MESD: variants seen among roughly 807,000 people sequenced by gnomAD.
The protein encoded by MESD is LRP chaperone MESD.
A neutral mutation model predicts 12.9 loss-of-function variants in MESD; 7 were observed. The ratio of observed to expected loss-of-function variants is 0.54; its 90% CI spans 0.31 to 1.02. MESD has a LOEUF of 1.02. Among genes scored for constraint, MESD ranks in the 50% least tolerant of loss-of-function variants. MESD has a pLI of 0.05. For missense variants in MESD, 342 were observed against 296.7 expected, an observed-to-expected ratio of 1.15 and a Z score of -1.12; for synonymous variants, 126 against 115.6, an observed-to-expected ratio of 1.09 and a Z score of -0.58.
At chr15:80,948,934 C>T in intron 4 of MESD, 2 of 1,614,174 alleles carry the variant, frequency 1.2e-6, no homozygotes, top group Non-Finnish European at 1.7e-6. Flanking sequence ...AGGACAGCTG[C>T]CGCCCGGTGC....
intron 3 of MESD, chr15:80,952,373 C>T (rs896694745): frequency 2.3e-5 from 7 of 310,106 alleles, no homozygotes; most frequent in Non-Finnish European, 4.5e-5. Flanking sequence ...TCCAGGAGGG[C>T]AGCCACTAGC....
chr15:80,989,776 AC>A lies in MESD; in HGVS notation c.15del (p.Arg5SerfsTer92). On this transcript the variant is annotated frameshift_variant, in exon 1 of 3. Transcript: ENST00000261758. LOFTEE classifies it high-confidence loss of function. MAAS[R>X]WARKAVVLLC... is the part of the protein sequence containing the mutation. Reference sequence around the variant, plus strand: ...AGCAGGACCACGGCCTTGCGCGCCCACCTGGAAGCCGCCATTTTCGCTGCGC... The same window carrying A: ...AGCAGGACCACGGCCTTGCGCGCCCACTGGAAGCCGCCATTTTCGCTGCGC... 1 of 1,586,186 alleles carries A rather than the reference AC, an allele frequency of 6.3e-7. No homozygotes were observed. The highest frequency in any genetic ancestry group is 8.5e-7 in the Non-Finnish European group (1 of 1,173,412).
At chr15:80,984,706 T>C (rs1902682443) in intron 1 of MESD, among the ~76,000 whole-genome samples, 1 of 152,088 alleles carries the variant, frequency 6.6e-6, no homozygotes, top group Non-Finnish European at 1.5e-5. Context: ...ATACTAAAAC[T>C]AAAATGTACA....
chr15:80,968,857 T>C (rs539019711), intron 3 of MESD, among the ~76,000 whole-genome samples: 2 of 152,084 alleles, frequency 1.3e-5, no homozygotes, highest in African/African-American at 4.8e-5. Context: ...AAGGGCCACA[T>C]AGTAAATGTT....
chr15:80,948,734 A>G, exon 5 of MESD: 1 of 1,609,904 alleles, frequency 6.2e-7, no homozygotes, highest in Non-Finnish European at 8.5e-7. Context: ...GAGCCATGGA[A>G]CGGGGTGGGG....
At chr15:80,986,494 C>T (rs944688615) in intron 1 of MESD, among the ~76,000 whole-genome samples, 1 of 152,122 alleles carries the variant, frequency 6.6e-6, no homozygotes, top group African/African-American at 2.4e-5. Flanking sequence ...ACATTTTATA[C>T]ATGTGTAGAA....
downstream of MESD, among the ~76,000 whole-genome samples, chr15:80,973,024 AAAAC>A (rs1198247193): frequency 4.6e-5 from 7 of 152,046 alleles, no homozygotes; most frequent in South Asian, 2.1e-4. Context: ...TCTGTCTCAA[AAAAC>A]AAACAAACAA....
chr15:80,959,608 C>A (rs376692930), intron 3 of MESD, among the ~76,000 whole-genome samples: 2 of 152,266 alleles, frequency 1.3e-5, no homozygotes. Flanking sequence ...AAATGGACAC[C>A]TGCCATAACG....
chr15:80,960,302 G>C (rs1902062267), intron 3 of MESD, among the ~76,000 whole-genome samples: 1 of 151,484 alleles, frequency 6.6e-6, no homozygotes, highest in South Asian at 2.1e-4. Context: ...GGAAGTCAAG[G>C]CTGCAGTGAG....
intron 1 of MESD, among the ~76,000 whole-genome samples, chr15:80,984,402 A>G (rs556400739): frequency 1.3e-5 from 2 of 152,240 alleles, no homozygotes; most frequent in African/African-American, 4.8e-5. Flanking sequence ...TCATGACCCT[A>G]TCTCTACCAA....
chr15:80,983,199 T>C (rs1196927914), intron 1 of MESD, among the ~76,000 whole-genome samples: 1 of 151,514 alleles, frequency 6.6e-6, no homozygotes, highest in Non-Finnish European at 1.5e-5. Context: ...GCTATAATTA[T>C]GCCACTGCAT....
Position 80,978,079 on chromosome 15 carries a change from G to T in MESD, c.*1140C>A, listed in dbSNP as rs4993545. ...GTACTTTTTTTTGGTGGATGGGCAGGGAGGGGGATGTGGGGGCACAAATTG... is the reference window on the plus strand; with the variant it reads ...GTACTTTTTTTTGGTGGATGGGCAGTGAGGGGGATGTGGGGGCACAAATTG... On this transcript the variant is annotated 3_prime_UTR_variant, in exon 3 of 3. Coordinates refer to ENST00000261758, the MANE Select transcript of MESD (RefSeq NM_015154.3). 0.22 allele frequency: 33,096 copies of T among 152,014 alleles called. 4,645 individuals carry two copies. The highest frequency in any genetic ancestry group is 0.31 in the Non-Finnish European group (21,389 of 67,948). The allele number at this position is 152,014 out of a possible 1,614,324, so 9.4% of individuals were successfully genotyped here. A position where few individuals can be genotyped will look rare whatever the true frequency, so the allele number is the denominator to read the frequency against.
At chr15:80,966,410 G>C (rs1481700882) in intron 3 of MESD, among the ~76,000 whole-genome samples, 1 of 152,000 alleles carries the variant, frequency 6.6e-6, no homozygotes, top group East Asian at 1.9e-4. Context: ...TATTTACAAA[G>C]GGTTTGTAAT....
At chr15:80,973,736 C>T (rs1173407545), downstream of MESD, among the ~76,000 whole-genome samples, 3 of 151,922 alleles carry the variant, frequency 2.0e-5, no homozygotes, top group African/African-American at 7.3e-5. Context: ...ATTTAGAATG[C>T]TCATCTTTTA....
chr15:80,976,353 T>G lies in MESD; in HGVS notation c.*2866A>C, dbSNP rs1902417377. On this transcript the variant is annotated 3_prime_UTR_variant, in exon 3 of 3. Transcript: ENST00000261758. The stretch of plus-strand genomic sequence containing the variant: ...GACTGTTTCTCAGCTCAGCTTATGT[T>G]GGCTCCCCTCAGTGTCAACTAGGAT... The G allele has an allele frequency of 6.6e-6, 1 of 152,336 alleles. No individual in the cohort carries two copies. The highest frequency in any genetic ancestry group is 6.5e-5 in the Admixed American group (1 of 15,284). The allele number at this position is 152,336 out of a possible 1,614,324, so 9.4% of individuals were successfully genotyped here. A position where few individuals can be genotyped will look rare whatever the true frequency, so the allele number is the denominator to read the frequency against.
At chr15:80,952,407 ATTAAT>A (rs753467935) in intron 3 of MESD, 10 of 287,572 alleles carry the variant, frequency 3.5e-5, no homozygotes, top group African/African-American at 1.1e-4. Flanking sequence ...CTACATTTAA[ATTAAT>A]TTAAATTAAA....
chr15:80,982,275 GTA>G, intron 1 of MESD, 93 bp from the exon 2 acceptor site: 1 of 917,024 alleles, frequency 1.1e-6, no homozygotes, highest in East Asian at 2.4e-5. Flanking sequence ...TCAGGTGCAT[GTA>G]TATGACTTAA....
intron 4 of MESD, chr15:80,951,717 G>A (rs1421298898): frequency 6.5e-6 from 1 of 153,044 alleles, no homozygotes; most frequent in African/African-American, 2.4e-5. Context: ...CAAGGAAATT[G>A]GCTCTGGTTT....
In MESD at chr15:80,977,367, C is replaced by G. The variant is rs902342536; in HGVS notation, c.*1852G>C. The G allele has an allele frequency of 6.6e-6, 1 of 152,184 alleles. No homozygotes were observed. The highest frequency in any genetic ancestry group is 2.4e-5 in the African/African-American group (1 of 41,422). The allele number at this position is 152,184 out of a possible 1,614,324, so 9.4% of individuals were successfully genotyped here. The stretch of plus-strand genomic sequence containing the variant: ...TCATTGAGTTTTACGATAGCAGAGG[C>G]TGTATCTACACCGTCCTGGCACCTT... On this transcript the variant is annotated 3_prime_UTR_variant, in exon 3 of 3. Transcript: ENST00000261758.
Sources: gnomAD v4.1 joint callset for allele counts (sites outside exome capture counted in the v4.1 genomes callset) on GRCh38, gnomAD v4.1.1 for gene constraint, MANE v1.5 for transcripts, NCBI Gene and HGNC (gene_info 2026-07-23, HGNC 2026-07-21) for gene names.